Variants in RASGRF2 observed in about 807,000 individuals in gnomAD.
RASGRF2 encodes the protein ras-specific guanine nucleotide-releasing factor 2.
Under a neutral mutation model 151.0 loss-of-function variants are expected in RASGRF2, and 76 were observed. The observed-to-expected ratio is 0.50, with a 90% CI of 0.42 to 0.61. The LOEUF (loss-of-function observed/expected upper bound fraction) is 0.61. Ranked by LOEUF, RASGRF2 falls within the 20% of genes least tolerant of loss-of-function variation. The probability of loss-of-function intolerance (pLI) is 0.00; values close to 1 mark genes in which losing one functional copy is unlikely to be tolerated. For synonymous variants in RASGRF2, 504 were observed against 566.5 expected (o/e 0.89, Z 1.57); for missense variants, 1,148 against 1,564.6 (o/e 0.73, Z 4.49).
chr5:81,186,120 C>A (rs1755020496), intron 18 of RASGRF2, among the ~76,000 whole-genome samples: 1 of 152,168 alleles, frequency 6.6e-6, no homozygotes, highest in Non-Finnish European at 1.5e-5. Flanking sequence ...TTATGGTGAA[C>A]AAAGAGACAC....
At chr5:80,970,103 G>A (rs960004402) in intron 1 of RASGRF2, among the ~76,000 whole-genome samples, 2 of 152,134 alleles carry the variant, frequency 1.3e-5, no homozygotes, top group African/African-American at 4.8e-5. Context: ...GGGATTACAG[G>A]CATGAGCCAC....
chr5:81,183,760 G>C (rs1318416233), intron 18 of RASGRF2, among the ~76,000 whole-genome samples: 1 of 152,138 alleles, frequency 6.6e-6, no homozygotes, highest in African/African-American at 2.4e-5. Flanking sequence ...AGCTCCTGTG[G>C]GGCCCCAAGC....
chr5:81,086,320 C>T (rs1392420241), intron 8 of RASGRF2, among the ~76,000 whole-genome samples: 1 of 152,070 alleles, frequency 6.6e-6, no homozygotes, highest in African/African-American at 2.4e-5. Flanking sequence ...TGAGACCAGC[C>T]TGGGCAACAT....
At chr5:81,221,808 C>G (rs1755862452) in intron 26 of RASGRF2, among the ~76,000 whole-genome samples, 1 of 152,208 alleles carries the variant, frequency 6.6e-6, no homozygotes, top group African/African-American at 2.4e-5. Context: ...GAAACCCCAT[C>G]TCTACCAAAA....
At chr5:81,024,519 C>T (rs1406175202) in intron 1 of RASGRF2, among the ~76,000 whole-genome samples, 4 of 152,032 alleles carry the variant, frequency 2.6e-5, no homozygotes, top group African/African-American at 4.8e-5. Context: ...CTCAGCCTCC[C>T]GATGTGCTGG....
intron 1 of RASGRF2, among the ~76,000 whole-genome samples, chr5:80,996,018 C>G (rs1023969219): frequency 6.6e-6 from 1 of 152,020 alleles, no homozygotes; most frequent in African/African-American, 2.4e-5. Flanking sequence ...TTGACAGTAA[C>G]TAGTGATGAT....
chr5:81,052,903 G>A (rs1028548563), intron 2 of RASGRF2, among the ~76,000 whole-genome samples: 3 of 152,092 alleles, frequency 2.0e-5, no homozygotes, highest in Admixed American at 6.6e-5. Flanking sequence ...CATAACCCTG[G>A]AGATAGGTGG....
intron 17 of RASGRF2, among the ~76,000 whole-genome samples, chr5:81,149,315 G>A (rs115608198): frequency 0.085 from 12,930 of 152,198 alleles, 759 homozygotes; most frequent in African/African-American, 0.17. Context: ...GAAGACAAAA[G>A]TGGCCTTTGC....
chr5:80,991,151 G>A (rs1336576249), intron 1 of RASGRF2, among the ~76,000 whole-genome samples: 5 of 152,108 alleles, frequency 3.3e-5, no homozygotes, highest in African/African-American at 9.7e-5. Context: ...CTTGTAAAAT[G>A]CAAACTTGGG....
intron 26 of RASGRF2, among the ~76,000 whole-genome samples, chr5:81,221,638 C>T (rs1755858896): frequency 6.6e-6 from 1 of 152,134 alleles, no homozygotes; most frequent in Admixed American, 6.6e-5. Flanking sequence ...ATCACTTGAG[C>T]CCAGGAGTTT....
At chr5:81,128,436 T>C (rs1753528641) in intron 17 of RASGRF2, among the ~76,000 whole-genome samples, 1 of 152,214 alleles carries the variant, frequency 6.6e-6, no homozygotes, top group African/African-American at 2.4e-5. Context: ...CAAAAGCTCC[T>C]TCAGGTGAGT....
intron 17 of RASGRF2, among the ~76,000 whole-genome samples, chr5:81,156,097 A>G (rs763208573): frequency 4.6e-5 from 7 of 152,096 alleles, no homozygotes; most frequent in Non-Finnish European, 1.0e-4. Context: ...TGAAATAGAT[A>G]AATTTCTAAT....
At chr5:80,984,521 T>C (rs956036335) in intron 1 of RASGRF2, among the ~76,000 whole-genome samples, 5 of 152,276 alleles carry the variant, frequency 3.3e-5, no homozygotes, top group Admixed American at 3.3e-4. Context: ...ATGTTTATTA[T>C]GCTCTGTTTT....
intron 13 of RASGRF2, among the ~76,000 whole-genome samples, 183 bp from the exon 14 acceptor site, chr5:81,112,427 G>A (rs1220842299): frequency 2.0e-5 from 3 of 152,106 alleles, no homozygotes; most frequent in Non-Finnish European, 4.4e-5. Flanking sequence ...TTTTAATATG[G>A]TGGGGGGATC....
At chr5:80,996,518 TCCCC>T (rs1402104039) in intron 1 of RASGRF2, among the ~76,000 whole-genome samples, 326 of 27,940 alleles carry the variant, frequency 0.012, 3 homozygotes, top group South Asian at 0.024. Flanking sequence ...CTCCTCCTCC[TCCCC>T]CTCCTCCTCC....
intron 26 of RASGRF2, chr5:81,223,612 GC>G (rs1755909445): frequency 6.6e-6 from 1 of 151,978 alleles, no homozygotes; most frequent in African/African-American, 2.4e-5. Context: ...CTGCACTCCA[GC>G]CTGGGCGACA....
At chr5:81,165,660 T>C (rs1351946154) in intron 17 of RASGRF2, among the ~76,000 whole-genome samples, 1 of 152,198 alleles carries the variant, frequency 6.6e-6, no homozygotes, top group Non-Finnish European at 1.5e-5. Context: ...GTGATGCTGC[T>C]CTAGGCCATG....
In RASGRF2 at chr5:81,218,084, A is replaced by G. The variant is rs569400481; in HGVS notation, c.3552+611A>G. Among the ~76,000 whole-genome samples the G allele has an allele frequency of 2.6e-5, 4 of 152,124 alleles. No homozygotes were observed. The South Asian group carries it at 8.3e-4, about 32-fold the overall frequency. ...TCTTTAGTAGAAAGGGGGTTTCACC[A>G]TGTTGGCCAGGCTGGTCTCAAACTC... On this transcript the variant is annotated intron_variant, in intron 25 of 26. Coordinates refer to ENST00000265080, the MANE Select transcript of RASGRF2 (RefSeq NM_006909.3).
At chr5:81,146,528 A>G (rs185904376) in intron 17 of RASGRF2, among the ~76,000 whole-genome samples, 2 of 152,256 alleles carry the variant, frequency 1.3e-5, no homozygotes, top group African/African-American at 2.4e-5. Context: ...TGGTAGGAAA[A>G]CAGGTGGTCT....
Sources: allele counts gnomAD v4.1 joint callset (sites outside exome capture counted in the v4.1 genomes callset), GRCh38; gene constraint gnomAD v4.1.1; transcripts MANE v1.5; gene names NCBI Gene and HGNC (gene_info 2026-07-23, HGNC 2026-07-21).